Variants in DNM3 observed in about 807,000 individuals in gnomAD.
DNM3 encodes the protein dynamin 3, also known as dynamin-3.
A neutral mutation model predicts 101.6 loss-of-function variants in DNM3; 47 were observed. That is an observed-to-expected ratio of 0.46 (90% CI 0.37 to 0.59). DNM3 has a LOEUF of 0.59. Among genes scored for constraint, DNM3 ranks in the 20% least tolerant of loss-of-function variants. DNM3 has a pLI of 0.00. For synonymous variants in DNM3, 385 were observed against 387.9 expected, an observed-to-expected ratio of 0.99 and a Z score of 0.09; for missense variants, 849 against 1,085.7, an observed-to-expected ratio of 0.78 and a Z score of 3.06.
chr1:171,978,569 G>C (rs2044552569), intron 2 of DNM3, among the ~76,000 whole-genome samples: 1 of 152,180 alleles, frequency 6.6e-6, no homozygotes, highest in Non-Finnish European at 1.5e-5. Context: ...GAGTAGGCCA[G>C]GGTGAGGAAT....
rs777554323 is a variant in DNM3 at position 171,944,252 on chromosome 1, A to C, written c.235+22431A>C. Among the ~76,000 whole-genome samples the C allele has an allele frequency of 3.9e-5, 6 of 152,270 alleles. No individual in the cohort carries two copies. In the East Asian group the frequency reaches 1.2e-3, roughly 29 times the overall value. On this transcript the variant is annotated intron_variant, in intron 2 of 20. Coordinates refer to ENST00000627582, the MANE Select transcript of DNM3 (RefSeq NM_015569.5). ...TCAGCCATTTAAAACAATAAAAACC[A>C]TTCTTAGTTTAGAGACTGTACAAAA... is the stretch of plus-strand genomic sequence containing the variant.
At chr1:172,264,001 A>G (rs2148722138) in intron 15 of DNM3, among the ~76,000 whole-genome samples, 1 of 152,358 alleles carries the variant, frequency 6.6e-6, no homozygotes, top group South Asian at 2.1e-4. Flanking sequence ...TAACTAGATT[A>G]CAGGATAGGG....
intron 2 of DNM3, among the ~76,000 whole-genome samples, chr1:171,969,077 C>T (rs1571880776): frequency 6.6e-6 from 1 of 152,238 alleles, no homozygotes; most frequent in South Asian, 2.1e-4. Context: ...CATGTACATG[C>T]TTTCTGGGCA....
At chr1:172,318,896 T>G (rs1381197999) in intron 16 of DNM3, among the ~76,000 whole-genome samples, 1 of 152,168 alleles carries the variant, frequency 6.6e-6, no homozygotes, top group Non-Finnish European at 1.5e-5. Context: ...ACTTTAAAGT[T>G]CATGTGGAAC....
At chr1:172,370,517 T>TA (rs1241635876) in intron 17 of DNM3, among the ~76,000 whole-genome samples, 2 of 151,992 alleles carry the variant, frequency 1.3e-5, no homozygotes, top group African/African-American at 2.4e-5. Context: ...GCATAGCCCT[T>TA]ACCTTTTCTT....
intron 14 of DNM3, among the ~76,000 whole-genome samples, chr1:172,189,403 T>A (rs1265244935): frequency 6.6e-6 from 1 of 152,084 alleles, no homozygotes; most frequent in Non-Finnish European, 1.5e-5. Context: ...CTTGCTATTA[T>A]TTTAATTGGG....
rs144252730 is a variant in DNM3 at position 172,295,167 on chromosome 1, A to G, written c.1770-13561A>G. Reference sequence around the variant, plus strand: ...AAGAAGACAACCCAAAGAAGCCTCTATGTTTCTTCACTACATCAACTTGAG... The same window carrying G: ...AAGAAGACAACCCAAAGAAGCCTCTGTGTTTCTTCACTACATCAACTTGAG... On this transcript the variant is annotated intron_variant, in intron 15 of 20. Coordinates refer to ENST00000627582, the MANE Select transcript of DNM3 (RefSeq NM_015569.5). Among the ~76,000 whole-genome samples, 818 of 152,276 alleles carry G rather than the reference A, an allele frequency of 5.4e-3. 7 individuals carry two copies. The highest frequency in any genetic ancestry group is 0.031 in the Middle Eastern group (9 of 294).
At chr1:172,328,203 C>A (rs10158839) in intron 17 of DNM3, among the ~76,000 whole-genome samples, 4 of 151,862 alleles carry the variant, frequency 2.6e-5, no homozygotes, top group African/African-American at 9.7e-5. Context: ...ATGAAGTGAC[C>A]TCTCTAGTTA....
At chr1:172,055,568 C>A (rs1389578443) in intron 10 of DNM3, among the ~76,000 whole-genome samples, 1 of 152,072 alleles carries the variant, frequency 6.6e-6, no homozygotes, top group Non-Finnish European at 1.5e-5. Flanking sequence ...CTTGAGAATA[C>A]AAGTTCCATG....
At chr1:172,092,956 G>A in intron 13 of DNM3, 81 bp downstream of exon 13, 1 of 1,332,340 alleles carries the variant, frequency 7.5e-7, no homozygotes, top group Non-Finnish European at 1.0e-6. Flanking sequence ...TTTTTTTAAT[G>A]CAAATTAATC....
At chr1:172,149,698 A>G (rs2058056202) in intron 14 of DNM3, among the ~76,000 whole-genome samples, 1 of 152,134 alleles carries the variant, frequency 6.6e-6, no homozygotes, top group Non-Finnish European at 1.5e-5. Context: ...ATTTTAGAAT[A>G]TTGACTCCTG....
chr1:172,114,893 TTA>T (rs1273410878), intron 13 of DNM3, among the ~76,000 whole-genome samples: 1 of 152,192 alleles, frequency 6.6e-6, no homozygotes, highest in Non-Finnish European at 1.5e-5. Context: ...GTCCAAAATT[TTA>T]TCTTTTATAA....
chr1:172,147,633 AG>A (rs2148208438), intron 14 of DNM3, among the ~76,000 whole-genome samples: 1 of 152,260 alleles, frequency 6.6e-6, no homozygotes, highest in South Asian at 2.1e-4. Context: ...GTACCTCTAA[AG>A]GGGCAGGGTT....
chr1:171,970,201 A>C (rs929985998), intron 2 of DNM3: 2 of 611,128 alleles, frequency 3.3e-6, no homozygotes, highest in Non-Finnish European at 4.1e-6. Flanking sequence ...AATAATTTTT[A>C]AAATAATCCA....
At chr1:171,946,900 C>T (rs772779881) in intron 2 of DNM3, among the ~76,000 whole-genome samples, 19 of 152,108 alleles carry the variant, frequency 1.2e-4, no homozygotes, top group African/African-American at 3.9e-4. Flanking sequence ...ACTGATACAG[C>T]GAGAACTCAC....
At chr1:172,112,592 C>T (rs910408844) in intron 13 of DNM3, among the ~76,000 whole-genome samples, 1 of 152,144 alleles carries the variant, frequency 6.6e-6, no homozygotes, top group Admixed American at 6.5e-5. Context: ...AAAACATAAC[C>T]AATTCCTGAA....
At chr1:171,887,432 A>G (rs2036874036) in intron 1 of DNM3, among the ~76,000 whole-genome samples, 1 of 152,176 alleles carries the variant, frequency 6.6e-6, no homozygotes, top group Non-Finnish European at 1.5e-5. Context: ...TGTCTTCTGT[A>G]TACTATTTAA....
chr1:172,000,091 C>G (rs376141926), intron 4 of DNM3, among the ~76,000 whole-genome samples: 1 of 151,992 alleles, frequency 6.6e-6, no homozygotes, highest in Non-Finnish European at 1.5e-5. Context: ...ATTGAGATTA[C>G]TTAGGAGATG....
chr1:172,139,828 G>T (rs372900786), intron 14 of DNM3: 15 of 152,222 alleles, frequency 9.9e-5, no homozygotes, highest in East Asian at 3.9e-4. Context: ...TGAGCTAATA[G>T]TGTTAAATAT....
Sources: allele counts gnomAD v4.1 joint callset (sites outside exome capture counted in the v4.1 genomes callset), GRCh38; gene constraint gnomAD v4.1.1; transcripts MANE v1.5; gene names NCBI Gene and HGNC (gene_info 2026-07-23, HGNC 2026-07-21).